MYO3B: variants seen among roughly 807,000 people sequenced by gnomAD.
MYO3B encodes the protein myosin-IIIb.
In MYO3B, 156 loss-of-function variants were observed where a neutral mutation model predicts 174.6. The observed-to-expected ratio is 0.89, with a 90% confidence interval of 0.78 to 1.02. The LOEUF (loss-of-function observed/expected upper bound fraction) is 1.02. MYO3B is among the 50% of genes least tolerant of loss of function. The pLI, the probability that MYO3B is intolerant of heterozygous loss-of-function variation, is 0.00. For synonymous variants in MYO3B, 563 were observed against 569.1 expected (o/e 0.99, Z 0.15); for missense variants, 1,632 against 1,639.4 (o/e 1.00, Z 0.08).
At chr2:170,353,618 T>C (rs2094095625) in intron 8 of MYO3B, among the ~76,000 whole-genome samples, 1 of 151,714 alleles carries the variant, frequency 6.6e-6, no homozygotes. Flanking sequence ...AATGTACAGG[T>C]GGGGGATGTT....
intron 22 of MYO3B, among the ~76,000 whole-genome samples, chr2:170,423,702 T>G (rs532697847): frequency 6.7e-6 from 1 of 150,338 alleles, no homozygotes; most frequent in East Asian, 2.0e-4. Context: ...TGCCTCAGCC[T>G]CCTGAGTAGC....
chr2:170,627,827 T>A (rs1696587920), intron 32 of MYO3B, among the ~76,000 whole-genome samples: 1 of 152,248 alleles, frequency 6.6e-6, no homozygotes, highest in South Asian at 2.1e-4. Context: ...CCAGACCCTG[T>A]TTGCCTGGGT....
intron 7 of MYO3B, among the ~76,000 whole-genome samples, chr2:170,330,106 C>G (rs370539793): frequency 8.5e-5 from 13 of 152,292 alleles, no homozygotes; most frequent in African/African-American, 2.6e-4. Context: ...CCCTCCTCCC[C>G]TAGTTAGCTG....
At chr2:170,382,575 C>T (rs934891151) in intron 10 of MYO3B, 8 of 169,332 alleles carry the variant, frequency 4.7e-5, no homozygotes, top group Non-Finnish European at 9.1e-5. Context: ...TTGCACTGGA[C>T]CTGTTTATGC....
intron 32 of MYO3B, among the ~76,000 whole-genome samples, chr2:170,578,249 T>A (rs148369118): frequency 4.6e-5 from 7 of 152,278 alleles, no homozygotes; most frequent in African/African-American, 1.4e-4. Flanking sequence ...CTTGGGGTCG[T>A]GATGTCTGGA....
At chr2:170,416,555 G>C (rs1268051619) in intron 22 of MYO3B, among the ~76,000 whole-genome samples, 2 of 143,018 alleles carry the variant, frequency 1.4e-5, no homozygotes, top group African/African-American at 5.1e-5. Flanking sequence ...ATACCAACTA[G>C]ATCATGTCAT....
intron 32 of MYO3B, among the ~76,000 whole-genome samples, chr2:170,632,623 A>G (rs891836031): frequency 1.3e-5 from 2 of 152,208 alleles, no homozygotes; most frequent in African/African-American, 4.8e-5. Context: ...GCCAAGAAAT[A>G]ACTAAGATCA....
chr2:170,649,103 ATATATAAAATAATATATAATG>A (rs1372229852), intron 32 of MYO3B, among the ~76,000 whole-genome samples: 1,222 of 73,362 alleles, frequency 0.017, 68 homozygotes, highest in Non-Finnish European at 0.02. Context: ...AATGTATATT[ATATATAAAATAATATATAATG>A]TATATAAAAT....
chr2:170,652,880 C>T (rs1185007980), intron 34 of MYO3B, 103 bp from the exon 35 acceptor site: 8 of 1,331,196 alleles, frequency 6.0e-6, no homozygotes, highest in Non-Finnish European at 1.1e-6. Flanking sequence ...AGTGTTGGAG[C>T]CCAACCCTGT....
intron 32 of MYO3B, among the ~76,000 whole-genome samples, chr2:170,569,238 A>G (rs1284527757): frequency 6.6e-6 from 1 of 152,094 alleles, no homozygotes; most frequent in Non-Finnish European, 1.5e-5. Flanking sequence ...TCTTTCACCC[A>G]TTCTTCCAAA....
At chr2:170,396,955 GTC>G (rs1230270832) in intron 16 of MYO3B, among the ~76,000 whole-genome samples, 2 of 152,152 alleles carry the variant, frequency 1.3e-5, no homozygotes, top group African/African-American at 4.8e-5. Context: ...CACTGCAAGA[GTC>G]TCTGTTTTAC....
At chr2:170,626,775 T>G (rs1254933006) in intron 32 of MYO3B, among the ~76,000 whole-genome samples, 1 of 152,206 alleles carries the variant, frequency 6.6e-6, no homozygotes, top group Non-Finnish European at 1.5e-5. Context: ...TTTGCTTGTC[T>G]GTAAAGGATT....
chr2:170,276,470 C>T (rs1346170744), intron 7 of MYO3B, among the ~76,000 whole-genome samples: 1 of 152,018 alleles, frequency 6.6e-6, no homozygotes, highest in African/African-American at 2.4e-5. Context: ...GTATACAAAC[C>T]CTGTATTTTA....
At position 170,369,388 on chromosome 2, in the gene MYO3B, C is replaced by T. The variant is rs1404842356; in HGVS notation, c.971+11C>T. 2 of 1,604,232 alleles carry T rather than the reference C, an allele frequency of 1.2e-6. No homozygotes were observed. Among genetic ancestry groups the T allele is most frequent in the Non-Finnish European group, 1.7e-6 (2 of 1,174,050 alleles). On this transcript the variant is annotated intron_variant, in intron 9 of 34. Transcript: ENST00000408978. ...TGTTGCTAAAACCAGGTACTGTACT[C>T]TCTTTCTTCTTTCTCCCTGTGGTTG...
intron 8 of MYO3B, among the ~76,000 whole-genome samples, chr2:170,359,991 CAT>C (rs1362561441): frequency 6.6e-6 from 1 of 152,058 alleles, no homozygotes; most frequent in East Asian, 1.9e-4. Flanking sequence ...CTAAATCTTT[CAT>C]ATGTGTAAGT....
chr2:170,249,984 A>C (rs777061771), intron 7 of MYO3B, among the ~76,000 whole-genome samples: 1 of 152,238 alleles, frequency 6.6e-6, no homozygotes, highest in Non-Finnish European at 1.5e-5. Flanking sequence ...CAAGCTCTTC[A>C]TCAGCCACTT....
In MYO3B at chr2:170,392,506, A is replaced by G; in HGVS notation, c.1791+11A>G. The stretch of plus-strand genomic sequence containing the variant: ...GGGTTCACGGACAAAGTAAGTGATG[A>G]TCAAGAGAGGAACTCAAGTGACAAT... On this transcript the variant is annotated intron_variant, in intron 16 of 34. Coordinates refer to ENST00000408978, the MANE Select transcript of MYO3B (RefSeq NM_138995.5). 2 of 1,481,440 alleles carry G rather than the reference A, an allele frequency of 1.4e-6. No homozygotes were observed. The highest frequency in any genetic ancestry group is 1.8e-6 in the Non-Finnish European group (2 of 1,090,136). 91.8% of individuals were successfully genotyped at this position (1,481,440 alleles called of 1,614,324 possible). A position where few individuals can be genotyped will look rare whatever the true frequency, so the allele number is the denominator to read the frequency against.
intron 32 of MYO3B, among the ~76,000 whole-genome samples, chr2:170,626,287 T>G (rs1011345020): frequency 2.0e-5 from 3 of 152,230 alleles, no homozygotes; most frequent in Non-Finnish European, 4.4e-5. Flanking sequence ...CTTGTTGAAT[T>G]GATCCCTTTA....
chr2:170,281,071 T>C (rs537635904), intron 7 of MYO3B, among the ~76,000 whole-genome samples: 1 of 152,334 alleles, frequency 6.6e-6, no homozygotes, highest in East Asian at 1.9e-4. Flanking sequence ...TTGAGCAGTA[T>C]GGCCATTTTA....
Sources: gnomAD v4.1 joint callset for allele counts (sites outside exome capture counted in the v4.1 genomes callset) on GRCh38, gnomAD v4.1.1 for gene constraint, MANE v1.5 for transcripts, NCBI Gene and HGNC (gene_info 2026-07-23, HGNC 2026-07-21) for gene names.